The following EDA variants were observed in gnomAD, a reference collection of about 807,000 sequenced individuals.
EDA encodes ectodysplasin A, also known as ectodysplasin-A.
EDA carries 2 observed loss-of-function variants against 23.6 expected under a neutral mutation model. The ratio of observed to expected loss-of-function variants is 0.08; its 90% confidence interval spans 0.03 to 0.27. The LOEUF (loss-of-function observed/expected upper bound fraction) is 0.27. Among genes scored for constraint, EDA ranks in the 10% least tolerant of loss-of-function variants. The pLI is 1.00. For synonymous variants in EDA, 131 were observed against 132.0 expected, an observed-to-expected ratio of 0.99 and a Z score of 0.05; for missense variants, 229 against 324.2, an observed-to-expected ratio of 0.71 and a Z score of 2.26.
Position 69,995,805 on chromosome X carries a change from C to T in EDA, c.503-27413C>T, listed in dbSNP as rs764493256. On this transcript the variant is annotated intron_variant, in intron 2 of 7. Coordinates refer to ENST00000374552, the MANE Select transcript of EDA (RefSeq NM_001399.5). The stretch of plus-strand genomic sequence containing the variant: ...TTGTTTTTGTTTTTGTTTTTGTTAA[C>T]CTCACTCCGTACTTCCAGAAGGGGC... Among the ~76,000 whole-genome samples the T allele has an allele frequency of 6.2e-5, 7 of 112,090 alleles. No individual in the cohort carries two copies. In the South Asian group the frequency reaches 2.6e-3, roughly 41 times the overall value.
intron 1 of EDA, among the ~76,000 whole-genome samples, chrX:69,716,642 A>G (rs969612136): frequency 3.6e-5 from 4 of 111,100 alleles, no homozygotes; most frequent in African/African-American, 1.3e-4. Context: ...ATAGCATTGA[A>G]TCTCTAAATT....
At chrX:69,616,767 G>A in intron 1 of EDA, 63 bp downstream of exon 1, 1 of 1,188,861 alleles carries the variant, frequency 8.4e-7, no homozygotes, top group Non-Finnish European at 1.1e-6. Context: ...AGGGCCCTCC[G>A]CCACAGGGGC....
At chrX:69,648,039 A>G (rs1037423969) in intron 1 of EDA, among the ~76,000 whole-genome samples, 1 of 111,413 alleles carries the variant, frequency 9.0e-6, no homozygotes, top group African/African-American at 3.3e-5. Context: ...AGGCCATGAA[A>G]CAGCAAACAT....
At chrX:69,713,201 TTAAAG>T (rs1383057983) in intron 1 of EDA, among the ~76,000 whole-genome samples, 2 of 111,985 alleles carry the variant, frequency 1.8e-5, no homozygotes, top group Non-Finnish European at 3.8e-5. Flanking sequence ...ACCCTAAAAC[TTAAAG>T]TATATTTTAA....
At chrX:69,939,427 ATTTTT>A (rs200002777) in intron 1 of EDA, among the ~76,000 whole-genome samples, 1 of 108,644 alleles carries the variant, frequency 9.2e-6, no homozygotes, top group Admixed American at 9.7e-5. Flanking sequence ...TGCTGTGTTG[ATTTTT>A]TTTTATCCTG....
intron 1 of EDA, among the ~76,000 whole-genome samples, chrX:69,833,772 G>A (rs1410519537): frequency 9.0e-6 from 1 of 111,148 alleles, no homozygotes; most frequent in Admixed American, 9.6e-5. Context: ...TTAGTCTTGG[G>A]AAGGTTATCT....
intron 1 of EDA, among the ~76,000 whole-genome samples, chrX:69,681,618 T>C: frequency 9.0e-6 from 1 of 111,156 alleles, no homozygotes; most frequent in Non-Finnish European, 1.9e-5. Flanking sequence ...TCGCATCGGC[T>C]CCTGAGGCTT....
chrX:69,825,050 A>G, intron 1 of EDA, among the ~76,000 whole-genome samples: 1 of 87,912 alleles, frequency 1.1e-5, no homozygotes, highest in Non-Finnish European at 2.2e-5. Context: ...GATGAAGCCC[A>G]CTTGATCATG....
chrX:69,973,905 A>C (rs1374860462), intron 2 of EDA, among the ~76,000 whole-genome samples: 1 of 111,289 alleles, frequency 9.0e-6, no homozygotes, highest in South Asian at 3.7e-4. Flanking sequence ...AACGTATTTA[A>C]GAAGCAAGTC....
chrX:69,930,254 G>A (rs1364095399), intron 1 of EDA, among the ~76,000 whole-genome samples: 1 of 111,754 alleles, frequency 8.9e-6, no homozygotes, highest in Admixed American at 9.5e-5. Flanking sequence ...CCACCCACGT[G>A]AATAAGATTC....
At chrX:69,956,003 G>A (rs1049081898) in intron 1 of EDA, among the ~76,000 whole-genome samples, 1 of 112,138 alleles carries the variant, frequency 8.9e-6, no homozygotes, top group African/African-American at 3.2e-5. Flanking sequence ...GAAACATATT[G>A]TATTATTATC....
intron 1 of EDA, among the ~76,000 whole-genome samples, chrX:69,720,292 G>A (rs941137008): frequency 3.6e-5 from 4 of 111,663 alleles, no homozygotes; most frequent in African/African-American, 6.5e-5. Context: ...AGTAATATGC[G>A]TTTATTTCTT....
intron 1 of EDA, among the ~76,000 whole-genome samples, chrX:69,859,989 ATT>A (rs144702355): frequency 8.5e-4 from 86 of 100,682 alleles, no homozygotes; most frequent in South Asian, 7.8e-3. Context: ...CCTTCCTTGT[ATT>A]TTTTTTTTTT....
At chrX:69,624,197 C>T (rs1201672532) in intron 1 of EDA, among the ~76,000 whole-genome samples, 1 of 111,915 alleles carries the variant, frequency 8.9e-6, no homozygotes, top group East Asian at 2.8e-4. Context: ...TTTGTCTAAA[C>T]TCCCTTTAAA....
intron 1 of EDA, among the ~76,000 whole-genome samples, chrX:69,846,501 G>A (rs1461667556): frequency 9.0e-6 from 1 of 111,015 alleles, no homozygotes; most frequent in African/African-American, 3.3e-5. Flanking sequence ...CACCATGTTG[G>A]CCAGGCTGAT....
intron 1 of EDA, among the ~76,000 whole-genome samples, chrX:69,901,165 A>T (rs1189529507): frequency 9.0e-6 from 1 of 111,695 alleles, no homozygotes; most frequent in Non-Finnish European, 1.9e-5. Context: ...ATTCCAGAAG[A>T]TAATTTCTAA....
intron 1 of EDA, among the ~76,000 whole-genome samples, chrX:69,709,225 T>A (rs1319326232): frequency 3.6e-5 from 4 of 112,263 alleles, no homozygotes; most frequent in Non-Finnish European, 7.5e-5. Flanking sequence ...AGTCTGTTAA[T>A]TCCTAATTCT....
intron 1 of EDA, among the ~76,000 whole-genome samples, chrX:69,759,774 G>A (rs1672414433): frequency 9.0e-6 from 1 of 110,560 alleles, no homozygotes; most frequent in African/African-American, 3.3e-5. Flanking sequence ...TGGCCCAGGT[G>A]TGCAAAGAAG....
chrX:69,929,499 C>T (rs1424382898), intron 1 of EDA, among the ~76,000 whole-genome samples: 6 of 109,832 alleles, frequency 5.5e-5, no homozygotes, highest in Admixed American at 2.9e-4. Context: ...AATTGCATGC[C>T]TAGTACCTGA....
Sources: gnomAD v4.1 joint callset for allele counts (sites outside exome capture counted in the v4.1 genomes callset) on GRCh38, gnomAD v4.1.1 for gene constraint, MANE v1.5 for transcripts, NCBI Gene and HGNC (gene_info 2026-07-23, HGNC 2026-07-21) for gene names.